Variants in MTUS2 observed in about 807,000 individuals in gnomAD.
MTUS2 encodes microtubule associated scaffold protein 2, also known as microtubule-associated tumor suppressor candidate 2.
MTUS2 carries 40 observed loss-of-function variants against 114.1 expected under a neutral mutation model. The ratio of observed to expected loss-of-function variants is 0.35; its 90% CI spans 0.27 to 0.46. MTUS2 has a LOEUF of 0.46. Among genes scored for constraint, MTUS2 ranks in the 20% least tolerant of loss-of-function variants. The pLI is 1.00. For synonymous variants in MTUS2, 688 were observed against 672.0 expected (o/e 1.02, Z -0.37); for missense variants, 1,679 against 1,705.4 (o/e 0.98, Z 0.27).
intron 1 of MTUS2, among the ~76,000 whole-genome samples, chr13:28,823,373 A>C (rs1874041971): frequency 6.6e-6 from 1 of 152,238 alleles, no homozygotes; most frequent in Non-Finnish European, 1.5e-5. Flanking sequence ...CACATGTTTG[A>C]AACGAGTTGT....
At position 29,096,243 on chromosome 13, in the gene MTUS2, C is replaced by T. The variant is rs146447529; in HGVS notation, c.2447-4530C>T. Reference sequence around the variant, plus strand: ...GAAGACATAGCCTTGGGCATGTACACAATCACACTAAGAATGTTTTAGCAG... The same window carrying T: ...GAAGACATAGCCTTGGGCATGTACATAATCACACTAAGAATGTTTTAGCAG... On this transcript the variant is annotated intron_variant, in intron 4 of 15. Transcript: ENST00000612955. Among the ~76,000 whole-genome samples the T allele has an allele frequency of 2.6e-3, 398 of 152,280 alleles. 1 individual carries two copies. Among genetic ancestry groups the T allele is most frequent in the Middle Eastern group, 0.014 (4 of 294 alleles).
chr13:28,828,561 A>C (rs1032071649), intron 1 of MTUS2, among the ~76,000 whole-genome samples: 1 of 152,206 alleles, frequency 6.6e-6, no homozygotes, highest in Non-Finnish European at 1.5e-5. Context: ...TGGGGAACTA[A>C]TAAATGTCCA....
At chr13:28,934,546 G>A (rs1011426377) in intron 2 of MTUS2, among the ~76,000 whole-genome samples, 17 of 151,908 alleles carry the variant, frequency 1.1e-4, no homozygotes, top group African/African-American at 3.9e-4. Flanking sequence ...TTTTTGAGAC[G>A]GAGTTTCACT....
intron 2 of MTUS2, among the ~76,000 whole-genome samples, chr13:28,913,805 G>A (rs1457332714): frequency 6.6e-6 from 1 of 151,998 alleles, no homozygotes; most frequent in Non-Finnish European, 1.5e-5. Flanking sequence ...CTCATTATTG[G>A]TCTATTCAGG....
intron 8 of MTUS2, among the ~76,000 whole-genome samples, chr13:29,406,968 G>A (rs940120808): frequency 2.0e-5 from 3 of 152,152 alleles, no homozygotes; most frequent in African/African-American, 7.2e-5. Context: ...CATTTAGGCC[G>A]GGCACAGTGG....
At chr13:28,968,211 A>G (rs185928259) in intron 2 of MTUS2, among the ~76,000 whole-genome samples, 1 of 152,200 alleles carries the variant, frequency 6.6e-6, no homozygotes, top group Admixed American at 6.5e-5. Flanking sequence ...TAACGTTTGC[A>G]TTTTTTAAAT....
chr13:29,438,679 T>G (rs1353500824), intron 8 of MTUS2, among the ~76,000 whole-genome samples: 1 of 152,172 alleles, frequency 6.6e-6, no homozygotes, highest in Non-Finnish European at 1.5e-5. Context: ...GGGGGACACA[T>G]ACCTTCAGAC....
chr13:29,339,506 T>A (rs907292363), intron 7 of MTUS2: 1 of 152,896 alleles, frequency 6.5e-6, no homozygotes, highest in East Asian at 1.9e-4. Flanking sequence ...ATCTGGGGCC[T>A]GGGGGGAGGT....
chr13:29,228,486 A>AT (rs974508896), intron 5 of MTUS2, among the ~76,000 whole-genome samples: 7 of 151,716 alleles, frequency 4.6e-5, no homozygotes, highest in African/African-American at 7.3e-5. Context: ...ACACCTGGCT[A>AT]TTTTTTTTGT....
At chr13:28,964,320 A>G (rs1883473867) in intron 2 of MTUS2, among the ~76,000 whole-genome samples, 2 of 151,784 alleles carry the variant, frequency 1.3e-5, no homozygotes, top group Admixed American at 6.6e-5. Flanking sequence ...CACTGCTCCT[A>G]CTCTAGTCCA....
chr13:29,026,817 A>C lies in MTUS2; in HGVS notation c.2119A>C (p.Arg707=), dbSNP rs939150056. 1 of 1,611,782 alleles carries C rather than the reference A, an allele frequency of 6.2e-7. No homozygotes were observed. The highest frequency in any genetic ancestry group is 1.7e-5 in the Admixed American group (1 of 60,012). The part of the protein sequence containing the change: ...EKFKPDLQKP[R]VFSSGLMVSG... ...ATTCAAGCCAGACCTGCAGAAGCCA[A>C]GGGTCTTCAGTTCCGGATTGATGGT... Residue 707 remains arginine, a synonymous_variant, in exon 3 of 16, where the codon AGG becomes CGG. Coordinates refer to ENST00000612955, the MANE Select transcript of MTUS2 (RefSeq NM_001033602.4).
At position 29,226,986 on chromosome 13, in the gene MTUS2, G is replaced by A. The variant is rs555277237; in HGVS notation, c.2645-54718G>A. Among the ~76,000 whole-genome samples the A allele has an allele frequency of 9.3e-4, 142 of 152,128 alleles. 1 individual carries two copies. Among genetic ancestry groups the A allele is most frequent in the Middle Eastern group, 3.4e-3 (1 of 294 alleles). ...TTGAATCTGCATAGGGGCTGGGGGCGGTGGGTCATGCCTGTAATCCTAGCA... is the reference window on the plus strand; with the variant it reads ...TTGAATCTGCATAGGGGCTGGGGGCAGTGGGTCATGCCTGTAATCCTAGCA... On this transcript the variant is annotated intron_variant, in intron 5 of 15. Coordinates refer to ENST00000612955, the MANE Select transcript of MTUS2 (RefSeq NM_001033602.4).
intron 2 of MTUS2, among the ~76,000 whole-genome samples, chr13:28,973,545 G>A (rs1396590030): frequency 6.6e-6 from 1 of 152,200 alleles, no homozygotes; most frequent in African/African-American, 2.4e-5. Context: ...GCTTATGAAA[G>A]TGACTGCATC....
intron 5 of MTUS2, among the ~76,000 whole-genome samples, chr13:29,190,768 TG>T (rs1894414821): frequency 1.3e-5 from 2 of 152,198 alleles, no homozygotes; most frequent in African/African-American, 4.8e-5. Flanking sequence ...CCAGGCAGGA[TG>T]ATGGTATTAT....
chr13:29,371,970 A>ACCCCCCCC (rs1197762029), intron 8 of MTUS2, among the ~76,000 whole-genome samples: 1 of 11,530 alleles, frequency 8.7e-5, no homozygotes, highest in Non-Finnish European at 2.6e-4. Flanking sequence ...AGTGTCCTCA[A>ACCCCCCCC]CCCCCGCCCC....
intron 5 of MTUS2, among the ~76,000 whole-genome samples, chr13:29,195,050 A>T (rs1282917185): frequency 9.8e-5 from 14 of 142,390 alleles, no homozygotes; most frequent in Non-Finnish European, 1.5e-4. Flanking sequence ...AACAATGAGA[A>T]CACATGGACA....
At chr13:28,991,821 G>A (rs917120653) in intron 2 of MTUS2, among the ~76,000 whole-genome samples, 2 of 152,172 alleles carry the variant, frequency 1.3e-5, no homozygotes, top group East Asian at 1.9e-4. Context: ...CACCCAGGTA[G>A]TAGAGACATC....
At chr13:29,299,774 C>A (rs996910998) in intron 6 of MTUS2, among the ~76,000 whole-genome samples, 4 of 152,038 alleles carry the variant, frequency 2.6e-5, no homozygotes, top group Non-Finnish European at 5.9e-5. Context: ...CAATTAGATA[C>A]CTTGTAAATT....
intron 2 of MTUS2, among the ~76,000 whole-genome samples, chr13:28,954,366 C>T (rs1882961348): frequency 6.6e-6 from 1 of 152,178 alleles, no homozygotes; most frequent in Non-Finnish European, 1.5e-5. Context: ...TTCTTAATTT[C>T]AAGGCACTAC....
Sources: allele counts gnomAD v4.1 joint callset (sites outside exome capture counted in the v4.1 genomes callset), GRCh38; gene constraint gnomAD v4.1.1; transcripts MANE v1.5; gene names NCBI Gene and HGNC (gene_info 2026-07-23, HGNC 2026-07-21).